Variants in CACNA2D3 observed in about 807,000 individuals in gnomAD.
The protein encoded by CACNA2D3 is calcium voltage-gated channel auxiliary subunit alpha2delta 3.
Under a neutral mutation model 160.6 loss-of-function variants are expected in CACNA2D3, and 60 were observed. The ratio of observed to expected loss-of-function variants is 0.37; its 90% CI spans 0.30 to 0.46. The LOEUF is 0.46. Among genes scored for constraint, CACNA2D3 ranks in the 20% least tolerant of loss-of-function variants. CACNA2D3 has a pLI of 1.00. For synonymous variants in CACNA2D3, 558 were observed against 492.9 expected (o/e 1.13, Z -1.75); for missense variants, 1,205 against 1,365.0 (o/e 0.88, Z 1.85).
At chr3:54,238,854 A>G (rs1207911172) in intron 2 of CACNA2D3, among the ~76,000 whole-genome samples, 1 of 152,198 alleles carries the variant, frequency 6.6e-6, no homozygotes, top group South Asian at 2.1e-4. Flanking sequence ...CAAGGAAATT[A>G]ATTTGCTCCT....
At chr3:54,855,121 T>G (rs1400579760) in intron 17 of CACNA2D3, among the ~76,000 whole-genome samples, 1 of 152,170 alleles carries the variant, frequency 6.6e-6, no homozygotes, top group Non-Finnish European at 1.5e-5. Flanking sequence ...GATGCCCACC[T>G]GTATGGAACA....
In CACNA2D3 at chr3:54,887,857, T is replaced by A. The variant is rs1284456473; in HGVS notation, c.2057-102T>A. 3 of 849,198 alleles carry A rather than the reference T, an allele frequency of 3.5e-6. No individual in the cohort carries two copies. The African/African-American group carries it at 5.0e-5, about 14-fold the overall frequency. The allele number at this position is 849,198 out of a possible 1,614,324, so 52.6% of individuals were successfully genotyped here. Reference sequence around the variant, plus strand: ...TTAACTCATAAAGCAACATGCCGCATGAGAAAGTAGCCTGCAGATGCTGCA... The same window carrying A: ...TTAACTCATAAAGCAACATGCCGCAAGAGAAAGTAGCCTGCAGATGCTGCA... On this transcript the variant is annotated intron_variant, in intron 23 of 37. Coordinates refer to ENST00000474759, the MANE Select transcript of CACNA2D3 (RefSeq NM_018398.3).
chr3:54,392,873 G>C (rs1699305803), intron 4 of CACNA2D3, among the ~76,000 whole-genome samples: 1 of 152,040 alleles, frequency 6.6e-6, no homozygotes, highest in Non-Finnish European at 1.5e-5. Context: ...ACTAGGAAAA[G>C]GAAGCCTTTC....
At chr3:55,054,503 T>A (rs995367669) in intron 35 of CACNA2D3, among the ~76,000 whole-genome samples, 7 of 151,556 alleles carry the variant, frequency 4.6e-5, no homozygotes, top group African/African-American at 1.7e-4. Context: ...TTGGTTCATT[T>A]ATATAGTTTA....
intron 2 of CACNA2D3, among the ~76,000 whole-genome samples, chr3:54,267,586 G>A (rs1378783679): frequency 6.6e-6 from 1 of 152,176 alleles, no homozygotes; most frequent in East Asian, 1.9e-4. Flanking sequence ...CTGTTTTTCA[G>A]AACCTCAGAG....
intron 4 of CACNA2D3, among the ~76,000 whole-genome samples, chr3:54,425,769 C>T (rs1699903767): frequency 6.6e-6 from 1 of 152,220 alleles, no homozygotes; most frequent in Non-Finnish European, 1.5e-5. Flanking sequence ...CTGGGTCAGG[C>T]CCTAAGGCTA....
chr3:54,771,371 A>C (rs781746874), intron 13 of CACNA2D3, among the ~76,000 whole-genome samples: 18 of 152,350 alleles, frequency 1.2e-4, no homozygotes, highest in Admixed American at 7.2e-4. Context: ...AAGTCTCAGC[A>C]CAAGTTAGGT....
Position 54,865,154 on chromosome 3 carries a change from A to G in CACNA2D3, c.1627-6385A>G, listed in dbSNP as rs532202112. On this transcript the variant is annotated intron_variant, in intron 17 of 37. Coordinates refer to ENST00000474759, the MANE Select transcript of CACNA2D3 (RefSeq NM_018398.3). ...TTATAAATTCCTTTTTAGGAAAACA[A>G]TGAACCTTGAAAAGTGAAAACAGTA... is the stretch of plus-strand genomic sequence containing the variant. 9.2e-5 allele frequency among the ~76,000 whole-genome samples: 14 copies of G among 152,342 alleles called. No homozygotes were observed. In the East Asian group the frequency reaches 2.3e-3, roughly 25 times the overall value.
chr3:54,734,841 T>A (rs2107022027), intron 11 of CACNA2D3, among the ~76,000 whole-genome samples: 1 of 152,340 alleles, frequency 6.6e-6, no homozygotes, highest in South Asian at 2.1e-4. Flanking sequence ...GTGGTGAGTC[T>A]GCCAGGTGTG....
intron 2 of CACNA2D3, among the ~76,000 whole-genome samples, chr3:54,292,604 A>G (rs6804595): frequency 0.31 from 47,725 of 152,072 alleles, 8,038 homozygotes; most frequent in East Asian, 0.53. Context: ...TCAGTGAGAT[A>G]TAAATTAAAG....
rs1703166539 is a variant in CACNA2D3 at position 55,009,583 on chromosome 3, C to G, written c.2875+140C>G. The G allele has an allele frequency of 1.5e-5, 12 of 776,872 alleles. No individual in the cohort carries two copies. The East Asian group carries it at 3.2e-4, about 21-fold the overall frequency. The allele number at this position is 776,872 out of a possible 1,614,324, so 48.1% of individuals were successfully genotyped here. On this transcript the variant is annotated intron_variant, in intron 34 of 37. Coordinates refer to ENST00000474759, the MANE Select transcript of CACNA2D3 (RefSeq NM_018398.3). ...ATTTTTCAGCTCTGTCAGCAAAAAGCCAGCCTTTGTGCTAAGTGCTGTGCT... is the reference window on the plus strand; with the variant it reads ...ATTTTTCAGCTCTGTCAGCAAAAAGGCAGCCTTTGTGCTAAGTGCTGTGCT...
At chr3:54,783,691 A>G (rs971887843) in intron 13 of CACNA2D3, among the ~76,000 whole-genome samples, 2 of 152,160 alleles carry the variant, frequency 1.3e-5, no homozygotes, top group African/African-American at 2.4e-5. Flanking sequence ...TATGTTTCCC[A>G]TAGCCTTGGC....
chr3:54,865,592 C>T (rs751950828), intron 17 of CACNA2D3, among the ~76,000 whole-genome samples: 4 of 152,214 alleles, frequency 2.6e-5, no homozygotes, highest in African/African-American at 4.8e-5. Context: ...CTCTGGCCTT[C>T]GCCTTGACCT....
chr3:54,694,801 T>G (rs1289878200), intron 11 of CACNA2D3, among the ~76,000 whole-genome samples: 1 of 152,220 alleles, frequency 6.6e-6, no homozygotes, highest in Admixed American at 6.5e-5. Context: ...GATACCTTTG[T>G]TATATTCTTT....
intron 18 of CACNA2D3, among the ~76,000 whole-genome samples, chr3:54,878,514 G>A (rs934556891): frequency 2.6e-5 from 4 of 151,242 alleles, no homozygotes; most frequent in African/African-American, 9.7e-5. Context: ...TTCTCAGAGA[G>A]CATTTAAAGA....
chr3:54,221,083 G>A (rs1297055666), intron 2 of CACNA2D3, among the ~76,000 whole-genome samples: 3 of 152,166 alleles, frequency 2.0e-5, no homozygotes, highest in African/African-American at 4.8e-5. Context: ...CAGGCAAAGC[G>A]CTTTGAGTGC....
intron 11 of CACNA2D3, among the ~76,000 whole-genome samples, chr3:54,701,666 C>A (rs1182523873): frequency 6.6e-6 from 1 of 152,172 alleles, no homozygotes; most frequent in Non-Finnish European, 1.5e-5. Context: ...AATGGCCATA[C>A]TGCCCAAAGC....
At chr3:54,904,149 CAAGAG>C (rs1234275759) in intron 27 of CACNA2D3, among the ~76,000 whole-genome samples, 2 of 152,198 alleles carry the variant, frequency 1.3e-5, no homozygotes, top group Non-Finnish European at 1.5e-5. Flanking sequence ...AGAGCACACA[CAAGAG>C]AAGAGAAAGG....
intron 3 of CACNA2D3, among the ~76,000 whole-genome samples, chr3:54,326,400 T>C (rs1011992686): frequency 6.6e-6 from 1 of 152,180 alleles, no homozygotes; most frequent in African/African-American, 2.4e-5. Context: ...TGGGAATATA[T>C]ACAGTGAGGC....
Sources: allele counts gnomAD v4.1 joint callset (sites outside exome capture counted in the v4.1 genomes callset), GRCh38; gene constraint gnomAD v4.1.1; transcripts MANE v1.5; gene names NCBI Gene and HGNC (gene_info 2026-07-23, HGNC 2026-07-21).